The following SDHA variants were observed in gnomAD, a reference collection of about 807,000 sequenced individuals.
SDHA encodes succinate dehydrogenase [ubiquinone] flavoprotein subunit, mitochondrial.
SDHA carries 48 observed loss-of-function variants against 78.4 expected under a neutral mutation model. That is an observed-to-expected ratio of 0.61 (90% CI 0.49 to 0.78). The LOEUF (loss-of-function observed/expected upper bound fraction) is 0.78, where lower values mean the gene tolerates loss of function less well. SDHA is among the 30% of genes least tolerant of loss of function. SDHA has a pLI of 0.00. For synonymous variants in SDHA, 326 were observed against 353.9 expected (o/e 0.92, Z 0.88); for missense variants, 680 against 892.7 (o/e 0.76, Z 3.04).
intron 1 of SDHA, among the ~76,000 whole-genome samples, chr5:220,713 C>T (rs1257672208): frequency 6.6e-6 from 1 of 152,060 alleles, no homozygotes; most frequent in Non-Finnish European, 1.5e-5. Context: ...TCCGTCTTTC[C>T]GTGGGGTTAG....
rs377632619 is a variant in SDHA at position 256,398 on chromosome 5, C to T, written c.1973C>T (p.Pro658Leu). 4.8e-5 allele frequency: 78 copies of T among 1,613,728 alleles called. No homozygotes were observed. The highest frequency in any genetic ancestry group is 1.7e-4 in the Admixed American group (10 of 60,024). Residue 658 changes from proline to leucine, a missense_variant, in exon 15 of 15, where the codon CCG (proline) becomes CTG (leucine). By Grantham distance (98) the Pro-to-Leu change is moderately conservative. Transcript: ENST00000264932. ...TLNEADCATV[P>L]PAIRSY ...AACGAGGCTGACTGTGCCACCGTCC[C>T]GCCAGCCATTCGCTCCTACTGATGA...
intron 10 of SDHA, 89 bp from the exon 11 acceptor site, chr5:240,269 C>T: frequency 1.3e-6 from 1 of 784,560 alleles, no homozygotes; most frequent in Non-Finnish European, 2.2e-6. Context: ...CCTTGAGTGG[C>T]TGTGCTACAT....
At chr5:227,004 G>GTTTGT (rs369489565) in intron 5 of SDHA, among the ~76,000 whole-genome samples, 9 of 150,914 alleles carry the variant, frequency 6.0e-5, no homozygotes, top group East Asian at 2.0e-4. Context: ...GATTGGTTTT[G>GTTTGT]TTTGTTTTGT....
chr5:246,422 G>A (rs532753355), intron 11 of SDHA, among the ~76,000 whole-genome samples: 2 of 151,810 alleles, frequency 1.3e-5, no homozygotes, highest in African/African-American at 4.8e-5. Flanking sequence ...CAATAGAATC[G>A]ATCCAGAGAA....
At chr5:230,200 GT>G (rs923562052) in intron 6 of SDHA, among the ~76,000 whole-genome samples, 43 of 144,050 alleles carry the variant, frequency 3.0e-4, no homozygotes, top group African/African-American at 4.9e-4. Flanking sequence ...TAAATATATA[GT>G]TTTTTTTTTA....
rs908477454 is a variant in SDHA, at chr5:256,671, T to C, written c.*251T>C. The C allele has an allele frequency of 1.8e-4, 89 of 487,306 alleles. No homozygotes were observed. The highest frequency in any genetic ancestry group is 3.0e-5 in the South Asian group (1 of 32,916). The allele number at this position is 487,306 out of a possible 1,614,324, so 30.2% of individuals were successfully genotyped here. ...CTGGGCACAGCTCTTAAATAAAATA[T>C]AAATGAACAAACTTTCTTTTATTTC... On this transcript the variant is annotated 3_prime_UTR_variant, in exon 15 of 15. Transcript: ENST00000264932.
At chr5:260,881 G>C (rs1379343228), downstream of SDHA, among the ~76,000 whole-genome samples, 1 of 8,182 alleles carries the variant, frequency 1.2e-4, no homozygotes, top group Non-Finnish European at 2.8e-4. Context: ...CCTCCCGTCC[G>C]AGCATTACCG....
chr5:229,469 A>G (rs1243968468), intron 6 of SDHA, among the ~76,000 whole-genome samples: 1 of 152,256 alleles, frequency 6.6e-6, no homozygotes, highest in African/African-American at 2.4e-5. Context: ...GATGAACCCA[A>G]AGTCATTATG....
downstream of SDHA, among the ~76,000 whole-genome samples, chr5:257,641 C>T (rs1485059815): frequency 1.6e-5 from 2 of 121,834 alleles, no homozygotes; most frequent in South Asian, 2.4e-4. Context: ...GTGAGCTCCA[C>T]CCCCTGCCAG....
Position 233,502 on chromosome 5 carries a change from T to C in SDHA, c.921T>C (p.Ile307=). 6.2e-7 allele frequency: 1 copy of C among 1,614,252 alleles called. No homozygotes were observed. The highest frequency in any genetic ancestry group is 8.5e-7 in the Non-Finnish European group (1 of 1,180,042). Residue 307 remains isoleucine, a synonymous_variant, in exon 8 of 15, where the codon ATT becomes ATC. Transcript: ENST00000264932. ...PTGIYGAGCL[I]TEGCRGEGGI... ...GCATATATGGTGCTGGTTGTCTCAT[T>C]ACGGAAGGATGTCGTGGAGAGGGAG...
chr5:236,205 A>T, intron 9 of SDHA: 1 of 572,084 alleles, frequency 1.7e-6, no homozygotes, highest in Middle Eastern at 4.8e-4. Context: ...TTGTATTTTT[A>T]GTAGAGATGG....
intron 11 of SDHA, among the ~76,000 whole-genome samples, chr5:242,233 A>G (rs1209992475): frequency 6.6e-6 from 1 of 152,234 alleles, no homozygotes; most frequent in East Asian, 1.9e-4. Flanking sequence ...AAAACTGACC[A>G]TAAACAAAAT....
rs1553997722 is a variant in SDHA at position 225,897 on chromosome 5, C to T, written c.471C>T (p.Gly157=). The part of the protein sequence containing the change: ...PAAVVELENY[G]MPFSRTEDGK... Reference sequence around the variant, plus strand: ...ATCTTTCACAGCTAGAAAATTATGGCATGCCGTTTAGCAGAACTGAAGATG... The same window carrying T: ...ATCTTTCACAGCTAGAAAATTATGGTATGCCGTTTAGCAGAACTGAAGATG... The change falls in exon 5 of 15, where the codon GGC becomes GGT. Residue 157 remains glycine (G), a synonymous_variant. Coordinates refer to ENST00000264932, the MANE Select transcript of SDHA (RefSeq NM_004168.4). 5 of 1,612,802 alleles carry T rather than the reference C, an allele frequency of 3.1e-6. No homozygotes were observed. In the Admixed American group the frequency reaches 6.7e-5, roughly 22 times the overall value.
At position 242,749 on chromosome 5, in the gene SDHA, C is replaced by T. The variant is rs547965058; in HGVS notation, c.1551+2273C>T. 7.1e-4 allele frequency among the ~76,000 whole-genome samples: 108 copies of T among 152,268 alleles called. 1 individual carries two copies. The highest frequency in any genetic ancestry group is 2.4e-3 in the African/African-American group (99 of 41,546). On this transcript the variant is annotated intron_variant, in intron 11 of 14. Transcript: ENST00000264932. The stretch of plus-strand genomic sequence containing the variant: ...GCTGGAGGACACCTGAGTACTCTTA[C>T]GCAGTCCCTGTGGTGAGTAAGACGG...
rs138917116 is a variant in SDHA, at chr5:225,559, C to A, written c.453C>A (p.Val151=). Residue 151 remains valine (V), a synonymous_variant, in exon 4 of 15, where the codon GTC becomes GTA. Coordinates refer to ENST00000264932, the MANE Select transcript of SDHA (RefSeq NM_004168.4). ...CGGAGCAGGCCCCCGCCGCCGTGGT[C>A]GAGGTGATGGGCGGGAGGCTCTGGG... ...YMTEQAPAAV[V]ELENYGMPFS... 3.8e-5 allele frequency: 61 copies of A among 1,613,714 alleles called. No individual in the cohort carries two copies. Among genetic ancestry groups the A allele is most frequent in the Non-Finnish European group, 4.8e-5 (57 of 1,179,864 alleles).
intron 11 of SDHA, chr5:249,381 C>T (rs1736670445): frequency 5.4e-6 from 1 of 185,240 alleles, no homozygotes; most frequent in African/African-American, 2.4e-5. Context: ...TGGCCATAAA[C>T]AAAATCTCTG....
At chr5:267,870 ATCTC>A in the SDHA span, among the ~76,000 whole-genome samples, 33 of 152,284 alleles carry the variant, frequency 2.2e-4, no homozygotes, top group African/African-American at 7.2e-4. Context: ...GTGGGAGATG[ATCTC>A]TCTTTTTGTT....
chr5:235,806 C>T, intron 9 of SDHA: 1 of 283,390 alleles, frequency 3.5e-6, no homozygotes, highest in South Asian at 3.5e-5. Context: ...CCTCCACCTG[C>T]CGTGCTCCTG....
chr5:227,155 C>T (rs745361611), intron 5 of SDHA, among the ~76,000 whole-genome samples: 8 of 151,902 alleles, frequency 5.3e-5, no homozygotes, highest in African/African-American at 7.2e-5. Context: ...GGACTACAGG[C>T]GCACGCCACC....
Sources: allele counts gnomAD v4.1 joint callset (sites outside exome capture counted in the v4.1 genomes callset), GRCh38; gene constraint gnomAD v4.1.1; transcripts MANE v1.5; gene names NCBI Gene and HGNC (gene_info 2026-07-23, HGNC 2026-07-21).